Variants in PCDHA3 observed in about 807,000 individuals in gnomAD.
PCDHA3 encodes protocadherin alpha-3.
Under a neutral mutation model 62.2 loss-of-function variants are expected in PCDHA3, and 41 were observed. That is an observed-to-expected ratio of 0.66 (90% CI 0.51 to 0.86). PCDHA3 has a LOEUF of 0.86. Among genes scored for constraint, PCDHA3 ranks in the 40% least tolerant of loss-of-function variants. The probability of loss-of-function intolerance (pLI) is 0.00; values close to 1 mark genes in which losing one functional copy is unlikely to be tolerated. For missense variants in PCDHA3, 1,304 were observed against 1,241.2 expected (o/e 1.05, Z -0.76); for synonymous variants, 640 against 555.4 (o/e 1.15, Z -2.14).
intron 1 of PCDHA3, chr5:140,856,337 C>A (rs782782390): frequency 1.3e-6 from 2 of 1,598,382 alleles, no homozygotes; most frequent in Non-Finnish European, 1.7e-6. Flanking sequence ...GCTGTGCGGG[C>A]GGAGCGTGGA....
At chr5:140,945,091 TAAAC>T (rs1467444609) in intron 1 of PCDHA3, among the ~76,000 whole-genome samples, 2 of 152,110 alleles carry the variant, frequency 1.3e-5, no homozygotes, top group African/African-American at 2.4e-5. Context: ...TTGGAACTAA[TAAAC>T]AAAATAAAGT....
chr5:140,965,259 A>G (rs1257686866), intron 1 of PCDHA3, among the ~76,000 whole-genome samples: 1 of 152,218 alleles, frequency 6.6e-6, no homozygotes, highest in African/African-American at 2.4e-5. Context: ...AGAACTGAGC[A>G]GCAGAGGCAA....
chr5:140,937,868 C>T (rs1433466146), intron 1 of PCDHA3, among the ~76,000 whole-genome samples: 2 of 150,648 alleles, frequency 1.3e-5, no homozygotes, highest in Admixed American at 6.6e-5. Context: ...GCCGAGATCG[C>T]GCCACTGCAC....
intron 1 of PCDHA3, chr5:140,809,091 G>A (rs376395074): frequency 1.9e-6 from 3 of 1,613,840 alleles, no homozygotes; most frequent in African/African-American, 2.7e-5. Flanking sequence ...AGCACAACGC[G>A]TGCCCTGGAC....
At chr5:140,822,521 G>T (rs2150116984) in intron 1 of PCDHA3, 1 of 1,613,938 alleles carries the variant, frequency 6.2e-7, no homozygotes, top group Admixed American at 1.7e-5. Flanking sequence ...TATAATGTCA[G>T]ATTGTTGGAA....
intron 1 of PCDHA3, chr5:140,858,271 C>A: frequency 6.3e-7 from 1 of 1,597,124 alleles, no homozygotes. Flanking sequence ...TGTGCTCTAG[C>A]GCGGTGGGGA....
chr5:140,836,947 T>C (rs1208330936), intron 1 of PCDHA3: 5 of 442,006 alleles, frequency 1.1e-5, no homozygotes, highest in Non-Finnish European at 1.9e-5. Flanking sequence ...GATCAAAATC[T>C]ATGGTTTATG....
At chr5:140,951,276 T>C (rs1554219829) in intron 1 of PCDHA3, among the ~76,000 whole-genome samples, 1 of 152,200 alleles carries the variant, frequency 6.6e-6, no homozygotes, top group African/African-American at 2.4e-5. Context: ...CTATGTTAGG[T>C]AATTTTGGAT....
intron 1 of PCDHA3, among the ~76,000 whole-genome samples, chr5:140,827,697 A>C (rs1406690730): frequency 6.6e-6 from 1 of 152,212 alleles, no homozygotes; most frequent in Non-Finnish European, 1.5e-5. Context: ...GGTTGATATT[A>C]ATGTTGCAAA....
At chr5:140,869,350 A>G (rs1197202286) in intron 1 of PCDHA3, 3 of 1,614,064 alleles carry the variant, frequency 1.9e-6, no homozygotes, top group Non-Finnish European at 1.7e-6. Flanking sequence ...GCAGAATGGC[A>G]TTTTGTTTGT....
chr5:140,829,869 A>T (rs2150176630), intron 1 of PCDHA3: 1 of 1,613,902 alleles, frequency 6.2e-7, no homozygotes, highest in South Asian at 1.1e-5. Flanking sequence ...GTGGTGGCGA[A>T]GGTGCGCGCA....
At chr5:140,875,958 C>A in intron 1 of PCDHA3, 1 of 1,614,080 alleles carries the variant, frequency 6.2e-7, no homozygotes, top group Middle Eastern at 1.6e-4. Context: ...ATGCGGATAT[C>A]GGCGTAAACT....
intron 1 of PCDHA3, among the ~76,000 whole-genome samples, chr5:140,890,832 T>G (rs1554184561): frequency 6.6e-6 from 1 of 152,220 alleles, no homozygotes; most frequent in African/African-American, 2.4e-5. Context: ...ACTTACATAT[T>G]TACCAGTTTT....
rs782177204 is a variant in PCDHA3, at chr5:140,803,474, C to A, written c.2277C>A (p.Cys759Ter). 6 of 1,614,146 alleles carry A rather than the reference C, an allele frequency of 3.7e-6. No homozygotes were observed. The highest frequency in any genetic ancestry group is 4.2e-6 in the Non-Finnish European group (5 of 1,180,036). Residue 759 changes from cysteine (C) to a stop codon, truncating the protein, a stop_gained, in exon 1 of 4, where the codon TGC becomes TGA. Transcript: ENST00000522353. LOFTEE classifies it high-confidence loss of function. Reference protein sequence around the residue: ...SYSQQRQQRVCSGEGLPKTDL... With the variant: ...SYSQQRQQRV ...CGCAGCAGAGGCAGCAGAGGGTGTG[C>A]TCTGGAGAGGGGTTGCCCAAGACCG...
intron 1 of PCDHA3, among the ~76,000 whole-genome samples, chr5:140,819,573 A>C (rs1194033373): frequency 6.6e-6 from 1 of 152,184 alleles, no homozygotes; most frequent in Non-Finnish European, 1.5e-5. Context: ...GCTTAGAAGA[A>C]GATTTTTTAA....
chr5:140,829,141 A>T, intron 1 of PCDHA3: 1 of 1,613,462 alleles, frequency 6.2e-7, no homozygotes, highest in Non-Finnish European at 8.5e-7. Context: ...TCCCTGAGAT[A>T]GCACTGACTT....
chr5:140,958,867 T>A (rs1312043891), intron 1 of PCDHA3, among the ~76,000 whole-genome samples: 1 of 152,146 alleles, frequency 6.6e-6, no homozygotes, highest in Admixed American at 6.5e-5. Context: ...ACTGGGTTTA[T>A]AAAAGAATTG....
chr5:140,876,662 T>G (rs782771484), intron 1 of PCDHA3: 23 of 1,614,114 alleles, frequency 1.4e-5, no homozygotes, highest in Non-Finnish European at 1.9e-5. Context: ...CCCTTCAAGC[T>G]GGTGTCCACC....
intron 1 of PCDHA3, chr5:140,866,685 A>T (rs2049496850): frequency 6.6e-6 from 1 of 152,190 alleles, no homozygotes; most frequent in Admixed American, 6.5e-5. Context: ...TAGGTCTGTT[A>T]GAATATCAGT....
Sources: gnomAD v4.1 joint callset for allele counts (sites outside exome capture counted in the v4.1 genomes callset) on GRCh38, gnomAD v4.1.1 for gene constraint, MANE v1.5 for transcripts, NCBI Gene and HGNC (gene_info 2026-07-23, HGNC 2026-07-21) for gene names.